Variants in COL15A1 observed in about 807,000 individuals in gnomAD.
The protein encoded by COL15A1 is collagen alpha-1(XV) chain.
COL15A1 carries 111 observed loss-of-function variants against 165.9 expected under a neutral mutation model. That is an observed-to-expected ratio of 0.67 (90% CI 0.57 to 0.78). The LOEUF (loss-of-function observed/expected upper bound fraction) is 0.78. Ranked by LOEUF, COL15A1 falls within the 30% of genes least tolerant of loss-of-function variation. The pLI, the probability that COL15A1 is intolerant of heterozygous loss-of-function variation, is 0.00. For missense variants in COL15A1, 1,745 were observed against 1,789.7 expected (o/e 0.98, Z 0.45); for synonymous variants, 659 against 674.8 (o/e 0.98, Z 0.36).
At chr9:98,948,612 A>G (rs1034346495) in intron 2 of COL15A1, among the ~76,000 whole-genome samples, 31 of 151,606 alleles carry the variant, frequency 2.0e-4, no homozygotes, top group African/African-American at 7.5e-4. Flanking sequence ...AAAAAAAAAA[A>G]AAAAAGAGAC....
At chr9:99,065,171 A>G (rs982947427) in intron 39 of COL15A1, among the ~76,000 whole-genome samples, 1 of 152,232 alleles carries the variant, frequency 6.6e-6, no homozygotes, top group Non-Finnish European at 1.5e-5. Context: ...GTAATTTCAG[A>G]CATTTCTCTG....
At chr9:99,029,989 T>A (rs550215968) in intron 16 of COL15A1, among the ~76,000 whole-genome samples, 1 of 150,896 alleles carries the variant, frequency 6.6e-6, no homozygotes, top group South Asian at 2.1e-4. Context: ...TGGTTATCAG[T>A]ATTACAAACA....
At chr9:99,040,401 C>CCGT in intron 22 of COL15A1, 120 bp from the exon 23 acceptor site, 1 of 1,522,906 alleles carries the variant, frequency 6.6e-7, no homozygotes, top group Non-Finnish European at 9.0e-7. Context: ...CTGTGTCAAT[C>CCGT]CGTCTTCCCA....
chr9:98,958,072 G>A (rs1419877577), intron 2 of COL15A1, among the ~76,000 whole-genome samples: 1 of 152,194 alleles, frequency 6.6e-6, no homozygotes, highest in Non-Finnish European at 1.5e-5. Context: ...CAGCCACGGA[G>A]GAGCCCATGA....
Position 99,068,677 on chromosome 9 carries a change from G to T in COL15A1, c.3953+7G>T. The stretch of plus-strand genomic sequence containing the variant: ...TAATGACAGATCCTTCTTGGTAAGT[G>T]AGGGTGGAAGTTCTCAGATATGGTG... On this transcript the variant is annotated splice_region_variant and intron_variant, in intron 41 of 41. Transcript: ENST00000375001. The T allele has an allele frequency of 6.7e-7, 1 of 1,482,342 alleles. No individual in the cohort carries two copies. The highest frequency in any genetic ancestry group is 9.2e-7 in the Non-Finnish European group (1 of 1,090,858). The allele number at this position is 1,482,342 out of a possible 1,614,324, so 91.8% of individuals were successfully genotyped here.
At chr9:98,947,070 A>T (rs1390965790) in intron 2 of COL15A1, among the ~76,000 whole-genome samples, 5 of 152,240 alleles carry the variant, frequency 3.3e-5, no homozygotes, top group Admixed American at 6.5e-5. Flanking sequence ...AAAGGAAAGC[A>T]TATGGCCACC....
At position 99,055,260 on chromosome 9, in the gene COL15A1, A is replaced by G; in HGVS notation, c.3082-2A>G. ...AAATATTCCTGTGTTCTCTGCTTCC[A>G]GGGGGAGAATGGAGACAAGGGGTTC... On this transcript the variant is annotated splice_acceptor_variant, in intron 33 of 41. Coordinates refer to ENST00000375001, the MANE Select transcript of COL15A1 (RefSeq NM_001855.5). LOFTEE classifies it high-confidence loss of function. 1.2e-6 allele frequency: 2 copies of G among 1,607,172 alleles called. No individual in the cohort carries two copies. Among genetic ancestry groups the G allele is most frequent in the Non-Finnish European group, 1.7e-6 (2 of 1,173,740 alleles).
At position 99,035,048 on chromosome 9, in the gene COL15A1, C is replaced by A; in HGVS notation, c.2114C>A (p.Pro705Gln). ...DPGNRGLPGP[P>Q]GKKGQAGPPG... is the part of the protein sequence containing the mutation. ...GGCAACAGAGGCTTACCTGGACCCC[C>A]GGGGAAAAAGGGACAAGCTGGCCCT... Residue 705 changes from proline to glutamine, a missense_variant, in exon 18 of 42, where the codon CCG becomes CAG. Transcript: ENST00000375001. 2 of 1,612,748 alleles carry A rather than the reference C, an allele frequency of 1.2e-6. No individual in the cohort carries two copies. Among genetic ancestry groups the A allele is most frequent in the South Asian group, 2.2e-5 (2 of 91,070 alleles).
rs768330093 is a variant in COL15A1, at chr9:99,036,335, C to T, written c.2348C>T (p.Ala783Val). The change falls in exon 21 of 42, where the codon GCC becomes GTC. Residue 783 changes from alanine (A) to valine (V), a missense_variant. By Grantham distance (64) the Ala-to-Val change is moderately conservative. Transcript: ENST00000375001. ...CAGGGAGAAAGGGGGATGGATGGAG[C>T]CAGTATTGTGGGACCCCCTGGGCCG... ...GPKGERGMDGASIVGPPGPRG... is the reference protein window; with the variant it reads ...GPKGERGMDGVSIVGPPGPRG... The T allele has an allele frequency of 6.2e-6, 10 of 1,613,998 alleles. No homozygotes were observed. In the African/African-American group the frequency reaches 1.2e-4, roughly 19 times the overall value.
intron 9 of COL15A1, among the ~76,000 whole-genome samples, chr9:99,005,389 C>A (rs545081451): frequency 1.3e-5 from 2 of 152,168 alleles, no homozygotes; most frequent in East Asian, 3.9e-4. Flanking sequence ...AGGCAGCAGG[C>A]GGCAGGCCCC....
Position 98,985,977 on chromosome 9 carries a change from G to A in COL15A1, c.513G>A (p.Glu171=). The A allele has an allele frequency of 6.2e-7, 1 of 1,614,148 alleles. No individual in the cohort carries two copies. Among genetic ancestry groups the A allele is most frequent in the Non-Finnish European group, 8.5e-7 (1 of 1,180,026 alleles). Residue 171 remains glutamate, a synonymous_variant, in exon 3 of 42, where the codon GAG becomes GAA. Coordinates refer to ENST00000375001, the MANE Select transcript of COL15A1 (RefSeq NM_001855.5). The stretch of plus-strand genomic sequence containing the variant: ...GCTTCGCCATGATTGTCCAGGGTGA[G>A]GAAGTGACCCTCCTCGTGAACTGTG... The part of the protein sequence containing the change: ...WNRFAMIVQG[E]EVTLLVNCEE...
chr9:99,047,377 C>T (rs981322885), intron 26 of COL15A1, among the ~76,000 whole-genome samples: 2 of 151,946 alleles, frequency 1.3e-5, no homozygotes, highest in Non-Finnish European at 2.9e-5. Flanking sequence ...GGCAGGGCTG[C>T]GTTATTCAGA....
At chr9:99,054,104 G>C (rs374725339) in intron 31 of COL15A1, among the ~76,000 whole-genome samples, 2 of 152,230 alleles carry the variant, frequency 1.3e-5, no homozygotes, top group African/African-American at 4.8e-5. Flanking sequence ...AACTTTGTAC[G>C]TAGAAAACTT....
intron 2 of COL15A1, among the ~76,000 whole-genome samples, chr9:98,964,127 T>C (rs569977983): frequency 9.9e-5 from 15 of 152,226 alleles, no homozygotes; most frequent in Non-Finnish European, 1.6e-4. Context: ...TTCTCTGGCA[T>C]CAAATTCCAC....
Position 99,034,584 on chromosome 9 carries a change from GGTA to G in COL15A1, c.2079+1_2079+3del. On this transcript the variant is annotated splice_donor_variant and splice_donor_region_variant and intron_variant, in intron 17 of 41. Transcript: ENST00000375001. LOFTEE classifies it high-confidence loss of function. ...GGCCTAATGGCTCAGTTGGTGAAAA[GGTA>G]AAAAAAAAAAAAAAAAAAAAAAAAA... The G allele has an allele frequency of 2.5e-6, 1 of 400,304 alleles. No homozygotes were observed. Among genetic ancestry groups the G allele is most frequent in the Non-Finnish European group, 3.5e-6 (1 of 282,958 alleles). 24.8% of individuals were successfully genotyped at this position (400,304 alleles called of 1,614,324 possible).
intron 2 of COL15A1, among the ~76,000 whole-genome samples, chr9:98,972,078 A>C (rs890583496): frequency 7.9e-5 from 12 of 152,108 alleles, no homozygotes; most frequent in Non-Finnish European, 2.9e-5. Flanking sequence ...GCCCTGTGCG[A>C]AGTAGGGTTC....
chr9:98,953,643 A>AG (rs1270365647), intron 2 of COL15A1, among the ~76,000 whole-genome samples: 10 of 152,190 alleles, frequency 6.6e-5, no homozygotes, highest in African/African-American at 2.4e-4. Flanking sequence ...AACTATTCTG[A>AG]GGGCCCTGGT....
rs1392502481 is a variant in COL15A1, at chr9:99,059,777, T to C, written c.3338-112T>C. 1.4e-5 allele frequency: 17 copies of C among 1,175,774 alleles called. No homozygotes were observed. In the East Asian group the frequency reaches 3.5e-4, roughly 24 times the overall value. 72.8% of individuals were successfully genotyped at this position (1,175,774 alleles called of 1,614,324 possible). ...AGATACAGGTGGAAGTTGGGATGCT[T>C]TGTGGCGCTGTGAATGGGGTTGAAC... On this transcript the variant is annotated intron_variant, in intron 35 of 41. Transcript: ENST00000375001.
chr9:99,002,126 C>T lies in COL15A1; in HGVS notation c.1065+1175C>T, dbSNP rs547154652. Among the ~76,000 whole-genome samples, 6 of 135,010 alleles carry T rather than the reference C, an allele frequency of 4.4e-5. No homozygotes were observed. The East Asian group carries it at 1.4e-3, about 32-fold the overall frequency. 88.6% of individuals were successfully genotyped at this position (135,010 alleles called of 152,430 possible). ...TCACCTCCTCCTTCCCTCCTCTCTCCTTTTATTCCCTCCCTTCCTCTCCTC... is the reference window on the plus strand; with the variant it reads ...TCACCTCCTCCTTCCCTCCTCTCTCTTTTTATTCCCTCCCTTCCTCTCCTC... On this transcript the variant is annotated intron_variant, in intron 7 of 41. Transcript: ENST00000375001.
Sources: gnomAD v4.1 joint callset for allele counts (sites outside exome capture counted in the v4.1 genomes callset) on GRCh38, gnomAD v4.1.1 for gene constraint, MANE v1.5 for transcripts, NCBI Gene and HGNC (gene_info 2026-07-23, HGNC 2026-07-21) for gene names.